MS4A5: variants seen among roughly 807,000 people sequenced by gnomAD.
MS4A5 encodes membrane-spanning 4-domains subfamily A member 5.
Under a neutral mutation model 18.2 loss-of-function variants are expected in MS4A5, and 15 were observed. The ratio of observed to expected loss-of-function variants is 0.83; its 90% CI spans 0.55 to 1.27. The LOEUF (loss-of-function observed/expected upper bound fraction) is 1.27. Among genes scored for constraint, MS4A5 ranks in the 50% most tolerant of loss-of-function variants. The pLI is 0.00. For missense variants in MS4A5, 232 were observed against 225.7 expected, an observed-to-expected ratio of 1.03 and a Z score of -0.18; for synonymous variants, 89 against 78.7, an observed-to-expected ratio of 1.13 and a Z score of -0.69.
intron 4 of MS4A5, among the ~76,000 whole-genome samples, chr11:60,440,974 A>C (rs35926146): frequency 0.16 from 8,621 of 55,062 alleles, 192 homozygotes; most frequent in Admixed American, 0.24. Context: ...AGACACACGC[A>C]CACGTATGTT....
intron 4 of MS4A5, among the ~76,000 whole-genome samples, chr11:60,436,020 T>C (rs530887274): frequency 2.1e-4 from 32 of 152,262 alleles, no homozygotes; most frequent in African/African-American, 7.7e-4. Context: ...CTCTGCAGAC[T>C]TAAATGTCCC....
chr11:60,436,901 A>G (rs868855172), intron 4 of MS4A5, among the ~76,000 whole-genome samples: 1,337 of 133,162 alleles, frequency 0.01, 124 homozygotes, highest in African/African-American at 0.034. Context: ...GCCAACGTTC[A>G]GATTCAGGAA....
intron 3 of MS4A5, among the ~76,000 whole-genome samples, chr11:60,432,953 A>G (rs899445365): frequency 2.0e-5 from 3 of 152,170 alleles, no homozygotes; most frequent in African/African-American, 7.2e-5. Flanking sequence ...CTGTTTTCCT[A>G]GAATTATAAC....
intron 4 of MS4A5, among the ~76,000 whole-genome samples, chr11:60,444,425 A>G (rs1189098343): frequency 6.6e-6 from 1 of 152,158 alleles, no homozygotes; most frequent in African/African-American, 2.4e-5. Flanking sequence ...GCTTTCTTAG[A>G]TAAAACATAA....
chr11:60,441,276 A>G (rs71488475), intron 4 of MS4A5, among the ~76,000 whole-genome samples: 15,388 of 109,502 alleles, frequency 0.14, 1,148 homozygotes, highest in Admixed American at 0.2. Context: ...GGGAACTGTT[A>G]TGGGGTGGAG....
chr11:60,433,777 C>T lies in MS4A5; in HGVS notation c.352C>T (p.Arg118Ter), dbSNP rs149549037. Residue 118 changes from arginine to a stop codon, truncating the protein, a stop_gained, in exon 4 of 5, where the codon CGA becomes TGA. Coordinates refer to ENST00000300190, the MANE Select transcript of MS4A5 (RefSeq NM_023945.3). LOFTEE classifies it high-confidence loss of function. ...TATTCTATTTCAGATAATATTGAGC[C>T]GAATAATGAATTTTCTTAGTGCCCT... is the stretch of plus-strand genomic sequence containing the variant. ...KTTETLIILSRIMNFLSALGA... is the reference protein window; with the variant it reads ...KTTETLIILS 130 of 1,613,666 alleles carry T rather than the reference C, an allele frequency of 8.1e-5. No individual in the cohort carries two copies. The highest frequency in any genetic ancestry group is 8.0e-5 in the African/African-American group (6 of 74,994).
rs141726755 is a variant in MS4A5, at chr11:60,429,999, A to G, written c.153+172A>G. ...AGAGGATGTTTGAGAAGAACGAATC[A>G]TGTGGGTCTGGACTTGACAAAAAAT... On this transcript the variant is annotated intron_variant, in intron 1 of 4. Transcript: ENST00000300190. Among the ~76,000 whole-genome samples the G allele has an allele frequency of 1.5e-4, 23 of 152,312 alleles. No homozygotes were observed. The East Asian group carries it at 4.4e-3, about 29-fold the overall frequency.
At chr11:60,441,468 G>T in intron 4 of MS4A5, among the ~76,000 whole-genome samples, 1 of 103,518 alleles carries the variant, frequency 9.7e-6, no homozygotes, top group South Asian at 3.5e-4. Flanking sequence ...AAAAAAAAAA[G>T]AAAAAAAAAG....
chr11:60,431,319 T>C (rs954842843), intron 2 of MS4A5, among the ~76,000 whole-genome samples: 5 of 152,160 alleles, frequency 3.3e-5, no homozygotes, highest in Non-Finnish European at 5.9e-5. Flanking sequence ...AGGAAATGCT[T>C]ATGTAAGCAG....
intron 4 of MS4A5, among the ~76,000 whole-genome samples, chr11:60,438,451 C>G (rs1462513286): frequency 1.3e-5 from 2 of 151,680 alleles, no homozygotes; most frequent in Admixed American, 1.3e-4. Flanking sequence ...AATAGAGACA[C>G]AAAAAACTCT....
chr11:60,440,619 C>T (rs1426128035), intron 4 of MS4A5, among the ~76,000 whole-genome samples: 2 of 150,282 alleles, frequency 1.3e-5, no homozygotes, highest in East Asian at 1.9e-4. Flanking sequence ...GGGTGAAGGA[C>T]ATGAACAGAC....
At chr11:60,439,961 T>C (rs1268762424) in intron 4 of MS4A5, among the ~76,000 whole-genome samples, 1 of 144,510 alleles carries the variant, frequency 6.9e-6, no homozygotes, top group Non-Finnish European at 1.5e-5. Flanking sequence ...AGAGCCCACA[T>C]CGCCAAGTCA....
At chr11:60,447,307 G>GTGCTGTGCTATGCTATGCTA (rs1326789017) in intron 4 of MS4A5, among the ~76,000 whole-genome samples, 2 of 139,644 alleles carry the variant, frequency 1.4e-5, no homozygotes, top group Non-Finnish European at 3.1e-5. Context: ...ATCCTATGCT[G>GTGCTGTGCTATGCTATGCTA]TGCTATGCTA....
chr11:60,429,835 A>C lies in MS4A5; in HGVS notation c.153+8A>C. ...AAAATGAAAATCTTAGGGGTAAGTA[A>C]GACTTGCCCCTATGTATATTTTACT... is the stretch of plus-strand genomic sequence containing the variant. On this transcript the variant is annotated splice_region_variant and intron_variant, in intron 1 of 4. Coordinates refer to ENST00000300190, the MANE Select transcript of MS4A5 (RefSeq NM_023945.3). The C allele has an allele frequency of 6.2e-7, 1 of 1,611,218 alleles. No homozygotes were observed. Among genetic ancestry groups the C allele is most frequent in the East Asian group, 2.2e-5 (1 of 44,876 alleles).
intron 4 of MS4A5, among the ~76,000 whole-genome samples, chr11:60,442,933 G>C (rs1211120589): frequency 1.3e-5 from 2 of 152,192 alleles, no homozygotes; most frequent in Non-Finnish European, 2.9e-5. Context: ...TTGAGGTCAG[G>C]AGTTTGAGAC....
rs191505209 is a variant in MS4A5 at position 60,442,604 on chromosome 11, C to T, written c.493-5045C>T. Among the ~76,000 whole-genome samples, 4 of 152,128 alleles carry T rather than the reference C, an allele frequency of 2.6e-5. No individual in the cohort carries two copies. In the East Asian group the frequency reaches 7.7e-4, roughly 29 times the overall value. The stretch of plus-strand genomic sequence containing the variant: ...AGCAAACCACCATTGCACATGTATA[C>T]CTGTGTAACCTGCACGTCCTGCACA... On this transcript the variant is annotated intron_variant, in intron 4 of 4. Coordinates refer to ENST00000300190, the MANE Select transcript of MS4A5 (RefSeq NM_023945.3).
At chr11:60,447,174 GCTATGCTATGCTATC>G (rs1274808793) in intron 4 of MS4A5, among the ~76,000 whole-genome samples, 47 of 150,424 alleles carry the variant, frequency 3.1e-4, no homozygotes, top group African/African-American at 6.9e-4. Flanking sequence ...CCTATGTTAT[GCTATGCTATGCTATC>G]CTATGCTATG....
intron 4 of MS4A5, among the ~76,000 whole-genome samples, chr11:60,443,541 A>C (rs952040254): frequency 6.6e-6 from 1 of 152,034 alleles, no homozygotes; most frequent in East Asian, 1.9e-4. Context: ...AAATTATCTA[A>C]ATATTCATAC....
In MS4A5 at chr11:60,432,469, T is replaced by C. The variant is rs1265642737; in HGVS notation, c.339+2T>C. On this transcript the variant is annotated splice_donor_variant, in intron 3 of 4. Transcript: ENST00000300190. LOFTEE classifies it high-confidence loss of function. ...AAAAGAAAAACCACAGAAACTCTGG[T>C]GAGTTATATTCTTACTTTATTAAAA... The C allele has an allele frequency of 1.9e-5, 30 of 1,559,308 alleles. No individual in the cohort carries two copies. Among genetic ancestry groups the C allele is most frequent in the Non-Finnish European group, 2.6e-5 (30 of 1,134,554 alleles).
Sources: allele counts gnomAD v4.1 joint callset (sites outside exome capture counted in the v4.1 genomes callset), GRCh38; gene constraint gnomAD v4.1.1; transcripts MANE v1.5; gene names NCBI Gene and HGNC (gene_info 2026-07-23, HGNC 2026-07-21).